Variants in RALGAPA1 observed in about 807,000 individuals in gnomAD.
RALGAPA1 encodes the protein ral GTPase-activating protein subunit alpha-1.
RALGAPA1 carries 52 observed loss-of-function variants against 269.6 expected under a neutral mutation model. The observed-to-expected ratio is 0.19, with a 90% confidence interval of 0.15 to 0.24. The LOEUF is 0.24. Among genes scored for constraint, RALGAPA1 ranks in the 10% least tolerant of loss-of-function variants. The pLI is 1.00. For missense variants in RALGAPA1, 1,917 were observed against 3,013.9 expected, an observed-to-expected ratio of 0.64 and a Z score of 8.52; for synonymous variants, 817 against 1,008.3, an observed-to-expected ratio of 0.81 and a Z score of 3.60.
rs575918506 is a variant in RALGAPA1 at position 35,729,567 on chromosome 14, C to T, written c.1588-1057G>A. 9.9e-5 allele frequency among the ~76,000 whole-genome samples: 15 copies of T among 152,094 alleles called. No homozygotes were observed. In the South Asian group the frequency reaches 2.3e-3, roughly 23 times the overall value. Reference sequence around the variant, plus strand: ...TATCAGCAAACTGAAAAGGAAAAGACAAATGGAGCTACGTTCCTGTCTAGG... The same window carrying T: ...TATCAGCAAACTGAAAAGGAAAAGATAAATGGAGCTACGTTCCTGTCTAGG... On this transcript the variant is annotated intron_variant, in intron 12 of 41. Transcript: ENST00000680220.
chr14:35,669,924 C>T (rs970274536), intron 26 of RALGAPA1, among the ~76,000 whole-genome samples: 1 of 152,096 alleles, frequency 6.6e-6, no homozygotes, highest in Non-Finnish European at 1.5e-5. Flanking sequence ...GCTAAATGAA[C>T]ACATATTCAA....
At chr14:35,597,934 C>G (rs1250582437) in intron 36 of RALGAPA1, among the ~76,000 whole-genome samples, 1 of 152,080 alleles carries the variant, frequency 6.6e-6, no homozygotes, top group Non-Finnish European at 1.5e-5. Context: ...TGTTTTATGG[C>G]CCAGGATATG....
At chr14:35,666,489 T>A (rs1283813598) in intron 26 of RALGAPA1, among the ~76,000 whole-genome samples, 1 of 152,166 alleles carries the variant, frequency 6.6e-6, no homozygotes, top group African/African-American at 2.4e-5. Context: ...TCTCCCAAAG[T>A]GTTGGGATTA....
At chr14:35,658,233 C>T (rs900615349) in intron 28 of RALGAPA1, among the ~76,000 whole-genome samples, 2 of 152,080 alleles carry the variant, frequency 1.3e-5, no homozygotes, top group Non-Finnish European at 2.9e-5. Context: ...GTTAGCTTGG[C>T]TATTGAGAAA....
intron 16 of RALGAPA1, chr14:35,706,873 A>G (rs2067855481): frequency 6.6e-6 from 1 of 152,138 alleles, no homozygotes; most frequent in Non-Finnish European, 1.5e-5. Flanking sequence ...CAATATCCAC[A>G]AAATAACTTG....
intron 7 of RALGAPA1, among the ~76,000 whole-genome samples, chr14:35,754,680 T>A (rs999938062): frequency 3.9e-5 from 6 of 152,192 alleles, no homozygotes; most frequent in Admixed American, 6.6e-5. Flanking sequence ...AGTCAATATA[T>A]ACCCCTACTA....
At chr14:35,715,217 A>G (rs1277749556) in intron 16 of RALGAPA1, among the ~76,000 whole-genome samples, 1 of 152,096 alleles carries the variant, frequency 6.6e-6, no homozygotes, top group East Asian at 1.9e-4. Context: ...ATCCTGTTCT[A>G]CAAATTTCTT....
chr14:35,636,215 C>A (rs2061656934), intron 31 of RALGAPA1, among the ~76,000 whole-genome samples: 1 of 152,042 alleles, frequency 6.6e-6, no homozygotes, highest in Non-Finnish European at 1.5e-5. Flanking sequence ...CCTGGATGGA[C>A]ACTTTTAAAC....
chr14:35,755,640 G>A (rs1239492961), intron 7 of RALGAPA1, among the ~76,000 whole-genome samples: 1 of 152,150 alleles, frequency 6.6e-6, no homozygotes, highest in African/African-American at 2.4e-5. Context: ...GGCATGCTAT[G>A]CATTATTTTA....
In RALGAPA1 at chr14:35,570,643, T is replaced by C; in HGVS notation, c.7470A>G (p.Lys2490=). The C allele has an allele frequency of 6.2e-7, 1 of 1,608,702 alleles. No individual in the cohort carries two copies. The highest frequency in any genetic ancestry group is 8.5e-7 in the Non-Finnish European group (1 of 1,178,502). ...ATAINASRAL[K]SLIPLYQNFY... ...AGTTTTGATACAATGGAATCAGAGA[T>C]TTCAGAGCACGGCTTGCATTTATAG... Residue 2490 remains lysine (K), a synonymous_variant, in exon 39 of 42, where the codon AAA becomes AAG. Coordinates refer to ENST00000680220, the MANE Select transcript of RALGAPA1 (RefSeq NM_001346249.2).
rs1034868817 is a variant in RALGAPA1, at chr14:35,738,701, C to G, written c.1450-51G>C. 4 of 1,462,318 alleles carry G rather than the reference C, an allele frequency of 2.7e-6. No individual in the cohort carries two copies. In the East Asian group the frequency reaches 9.2e-5, roughly 34 times the overall value. The allele number at this position is 1,462,318 out of a possible 1,614,324, so 90.6% of individuals were successfully genotyped here. ...TATTTCATTACTAAGAATGCTGCAA[C>G]TAGTCAGTTAAGTTGAAAAGGTAAA... On this transcript the variant is annotated intron_variant, in intron 11 of 41. Coordinates refer to ENST00000680220, the MANE Select transcript of RALGAPA1 (RefSeq NM_001346249.2).
At chr14:35,630,751 C>CTGGG (rs2061309004) in intron 33 of RALGAPA1, among the ~76,000 whole-genome samples, 1 of 152,024 alleles carries the variant, frequency 6.6e-6, no homozygotes, top group Admixed American at 6.6e-5. Flanking sequence ...CAAAAATTAG[C>CTGGG]TGGGTGTGCC....
intron 38 of RALGAPA1, 131 bp from the exon 39 acceptor site, chr14:35,570,875 T>A: frequency 1.2e-6 from 1 of 819,510 alleles, no homozygotes; most frequent in Non-Finnish European, 1.8e-6. Context: ...AAAATACTAT[T>A]TGAATTCAAT....
intron 35 of RALGAPA1, among the ~76,000 whole-genome samples, chr14:35,617,481 G>A (rs1350035044): frequency 2.0e-5 from 3 of 151,640 alleles, no homozygotes; most frequent in African/African-American, 7.3e-5. Flanking sequence ...AGCTGGGCGT[G>A]GTGGCGCATG....
chr14:35,622,700 T>C (rs2060715301), intron 35 of RALGAPA1, among the ~76,000 whole-genome samples: 1 of 152,198 alleles, frequency 6.6e-6, no homozygotes, highest in African/African-American at 2.4e-5. Context: ...TAGACTGTTT[T>C]TCAACATTCA....
Position 35,760,866 on chromosome 14 carries a change from T to C in RALGAPA1, c.510A>G (p.Leu170=). Residue 170 remains leucine (L), a synonymous_variant, in exon 6 of 42, where the codon TTA becomes TTG. Transcript: ENST00000680220. ...APQSEHGPRT[L]DNLINPPLNL... Reference sequence around the variant, plus strand: ...TGAGTGGAGGATTAATGAGATTATCTAAAGTTCGAGGTCCATGTTCAGACT... The same window carrying C: ...TGAGTGGAGGATTAATGAGATTATCCAAAGTTCGAGGTCCATGTTCAGACT... 1.2e-6 allele frequency: 2 copies of C among 1,612,072 alleles called. No homozygotes were observed. The highest frequency in any genetic ancestry group is 1.7e-6 in the Non-Finnish European group (2 of 1,179,294).
At chr14:35,738,141 A>C (rs1206762980) in intron 12 of RALGAPA1, among the ~76,000 whole-genome samples, 1 of 152,102 alleles carries the variant, frequency 6.6e-6, no homozygotes, top group Non-Finnish European at 1.5e-5. Flanking sequence ...GAAAAACTGG[A>C]AACAAAAGAC....
At chr14:35,553,481 G>A (rs958315247) in intron 39 of RALGAPA1, among the ~76,000 whole-genome samples, 3 of 152,084 alleles carry the variant, frequency 2.0e-5, no homozygotes, top group Non-Finnish European at 4.4e-5. Context: ...AACACCTTTC[G>A]TTCTCCACAA....
Position 35,561,902 on chromosome 14 carries a change from G to C in RALGAPA1, c.7496+8715C>G, listed in dbSNP as rs938753279. On this transcript the variant is annotated intron_variant, in intron 39 of 41. Coordinates refer to ENST00000680220, the MANE Select transcript of RALGAPA1 (RefSeq NM_001346249.2). ...AAAGAAGAATGTTTGTCTGCTCTTG[G>C]AGAGATCCTACTACAATGGTTAGTA... 2.6e-5 allele frequency among the ~76,000 whole-genome samples: 4 copies of C among 152,076 alleles called. No individual in the cohort carries two copies. The South Asian group carries it at 6.2e-4, about 24-fold the overall frequency.
Sources: gnomAD v4.1 joint callset for allele counts (sites outside exome capture counted in the v4.1 genomes callset) on GRCh38, gnomAD v4.1.1 for gene constraint, MANE v1.5 for transcripts, NCBI Gene and HGNC (gene_info 2026-07-23, HGNC 2026-07-21) for gene names.